The following CASR variants were observed in gnomAD, a reference collection of about 807,000 sequenced individuals.
The protein encoded by CASR is extracellular calcium-sensing receptor.
Under a neutral mutation model 69.1 loss-of-function variants are expected in CASR, and 23 were observed. That is an observed-to-expected ratio of 0.33 (90% confidence interval 0.24 to 0.47). The LOEUF is 0.47. CASR is among the 20% of genes least tolerant of loss of function. CASR has a pLI of 1.00. For synonymous variants in CASR, 541 were observed against 544.7 expected, an observed-to-expected ratio of 0.99 and a Z score of 0.10; for missense variants, 924 against 1,356.1, an observed-to-expected ratio of 0.68 and a Z score of 5.00.
chr3:122,250,168 C>A (rs1448692386), intron 1 of CASR, among the ~76,000 whole-genome samples: 1 of 151,670 alleles, frequency 6.6e-6, no homozygotes, highest in African/African-American at 2.4e-5. Context: ...GAGTGGGAAG[C>A]AATGGCAGAA....
At chr3:122,216,101 C>G (rs1401899970) in intron 1 of CASR, among the ~76,000 whole-genome samples, 1 of 152,198 alleles carries the variant, frequency 6.6e-6, no homozygotes, top group Admixed American at 6.5e-5. Flanking sequence ...AAGCCCTATA[C>G]AAATGTTAGG....
At chr3:122,199,097 G>C (rs1009685538) in intron 1 of CASR, among the ~76,000 whole-genome samples, 4 of 152,158 alleles carry the variant, frequency 2.6e-5, no homozygotes, top group South Asian at 4.1e-4. Flanking sequence ...TAAACAATAA[G>C]TAAATAAGGG....
intron 1 of CASR, among the ~76,000 whole-genome samples, chr3:122,195,531 T>C (rs1236400420): frequency 6.6e-6 from 1 of 152,222 alleles, no homozygotes; most frequent in East Asian, 1.9e-4. Context: ...GTTTTCATAG[T>C]GGAACACTAG....
At chr3:122,259,820 G>A (rs930817204) in intron 3 of CASR, among the ~76,000 whole-genome samples, 14 of 151,898 alleles carry the variant, frequency 9.2e-5, no homozygotes, top group African/African-American at 3.1e-4. Context: ...TAGTCGAGAC[G>A]GGGTTTCACC....
chr3:122,281,752 T>C (rs757516695), intron 5 of CASR, among the ~76,000 whole-genome samples: 1 of 152,226 alleles, frequency 6.6e-6, no homozygotes, highest in Non-Finnish European at 1.5e-5. Context: ...TTCTTTCTTA[T>C]GTCCTTTGAG....
chr3:122,281,971 C>A, intron 5 of CASR, 142 bp from the exon 6 acceptor site: 1 of 1,160,434 alleles, frequency 8.6e-7, no homozygotes. Flanking sequence ...TCTGGACCTC[C>A]CTTTGCCTGG....
At chr3:122,201,186 G>A (rs887826593) in intron 1 of CASR, among the ~76,000 whole-genome samples, 1 of 151,950 alleles carries the variant, frequency 6.6e-6, no homozygotes, top group African/African-American at 2.4e-5. Context: ...CTTGAGATTA[G>A]GGAGTGGTGA....
rs754033243 is a variant in CASR at position 122,257,198 on chromosome 3, C to A, written c.303C>A (p.Cys101Ter). ...TGGGATACAGGATATTTGACACTTG[C>A]AACACCGTTTCTAAGGCCTTGGAAG... Reference protein sequence around the residue: ...LTLGYRIFDTCNTVSKALEAT... With the variant: ...LTLGYRIFDT Residue 101 changes from cysteine (C) to a stop codon, truncating the protein, a stop_gained, in exon 3 of 7, where the codon TGC (cysteine) becomes TGA (stop). Coordinates refer to ENST00000639785, the MANE Select transcript of CASR (RefSeq NM_000388.4). LOFTEE classifies it high-confidence loss of function. 1 of 1,614,176 alleles carries A rather than the reference C, an allele frequency of 6.2e-7. No homozygotes were observed. Among genetic ancestry groups the A allele is most frequent in the South Asian group, 1.1e-5 (1 of 91,084 alleles).
At chr3:122,265,945 G>A (rs17197671) in intron 4 of CASR, among the ~76,000 whole-genome samples, 27,075 of 152,086 alleles carry the variant, frequency 0.18, 2,798 homozygotes, top group African/African-American at 0.26. Flanking sequence ...CAGAGAAGAT[G>A]GAAGGGAGAT....
intron 1 of CASR, among the ~76,000 whole-genome samples, chr3:122,212,652 T>C (rs2074080292): frequency 6.6e-6 from 1 of 152,104 alleles, no homozygotes; most frequent in African/African-American, 2.4e-5. Context: ...AATTTTTTTT[T>C]TTTTTTGAGA....
rs144981364 is a variant in CASR at position 122,256,282 on chromosome 3, T to G, written c.186-799T>G. Among the ~76,000 whole-genome samples the G allele has an allele frequency of 5.4e-3, 821 of 152,328 alleles. 9 individuals are homozygous for G. The highest frequency in any genetic ancestry group is 0.019 in the African/African-American group (771 of 41,566). On this transcript the variant is annotated intron_variant, in intron 2 of 6. Coordinates refer to ENST00000639785, the MANE Select transcript of CASR (RefSeq NM_000388.4). ...TCAGGAATGTCATAGTCTAAACATA[T>G]GACTCTGCAAATCTGATCTGAGGTT...
At chr3:122,278,254 C>G (rs902095419) in intron 5 of CASR, among the ~76,000 whole-genome samples, 4 of 152,304 alleles carry the variant, frequency 2.6e-5, no homozygotes, top group African/African-American at 9.6e-5. Flanking sequence ...AAATGTAGCA[C>G]TAAATTTAGA....
intron 1 of CASR, among the ~76,000 whole-genome samples, chr3:122,201,740 G>A (rs552858849): frequency 3.3e-5 from 5 of 152,198 alleles, no homozygotes; most frequent in South Asian, 2.1e-4. Context: ...CTTCCCAGAC[G>A]GGGTGGCTGC....
chr3:122,283,763 C>T lies in CASR; in HGVS notation c.1809C>T (p.Ile603=), dbSNP rs1332311514. Residue 603 remains isoleucine, a synonymous_variant, in exon 7 of 7, where the codon ATC becomes ATT. Transcript: ENST00000639785. ...ACACCTCCTGCATTGCCAAGGAGAT[C>T]GAGTTTCTGTCGTGGACGGAGCCCT... The part of the protein sequence containing the change: ...ENHTSCIAKE[I]EFLSWTEPFG... 1.9e-6 allele frequency: 3 copies of T among 1,614,112 alleles called. No individual in the cohort carries two copies. Among genetic ancestry groups the T allele is most frequent in the South Asian group, 1.1e-5 (1 of 91,078 alleles).
chr3:122,236,820 A>G (rs578075879), intron 1 of CASR, among the ~76,000 whole-genome samples: 1 of 152,206 alleles, frequency 6.6e-6, no homozygotes, highest in African/African-American at 2.4e-5. Flanking sequence ...AAATATATCT[A>G]GAAAAATATG....
intron 1 of CASR, among the ~76,000 whole-genome samples, chr3:122,197,021 A>G (rs905399863): frequency 2.6e-5 from 4 of 152,184 alleles, no homozygotes; most frequent in Admixed American, 2.6e-4. Context: ...ATACAGTATT[A>G]TTAACTACAA....
intron 3 of CASR, among the ~76,000 whole-genome samples, chr3:122,258,435 G>T (rs10934578): frequency 0.31 from 43,119 of 139,012 alleles, 7,364 homozygotes; most frequent in East Asian, 0.56. Flanking sequence ...TGTCATCATT[G>T]ACGGAATCCT....
chr3:122,195,353 C>T (rs1234479373), intron 1 of CASR, among the ~76,000 whole-genome samples: 1 of 152,170 alleles, frequency 6.6e-6, no homozygotes, highest in African/African-American at 2.4e-5. Context: ...ACACTGACAC[C>T]ACCACTACTG....
chr3:122,253,720 T>A (rs1229904651), intron 1 of CASR, among the ~76,000 whole-genome samples: 1 of 152,214 alleles, frequency 6.6e-6, no homozygotes, highest in Non-Finnish European at 1.5e-5. Context: ...AGGGCCTCTT[T>A]AAAATTTGAC....
Sources: gnomAD v4.1 joint callset for allele counts (sites outside exome capture counted in the v4.1 genomes callset) on GRCh38, gnomAD v4.1.1 for gene constraint, MANE v1.5 for transcripts, NCBI Gene and HGNC (gene_info 2026-07-23, HGNC 2026-07-21) for gene names.